The following CAMSAP2 variants were observed in gnomAD, a reference collection of about 807,000 sequenced individuals.
CAMSAP2 encodes calmodulin regulated spectrin associated protein family member 2.
A neutral mutation model predicts 146.1 loss-of-function variants in CAMSAP2; 26 were observed. The observed-to-expected ratio is 0.18, with a 90% CI of 0.13 to 0.25. The LOEUF (loss-of-function observed/expected upper bound fraction) is 0.25, where lower values mean the gene tolerates loss of function less well. CAMSAP2 is among the 10% of genes least tolerant of loss of function. The pLI is 1.00. For missense variants in CAMSAP2, 1,381 were observed against 1,759.3 expected, an observed-to-expected ratio of 0.78 and a Z score of 3.85; for synonymous variants, 499 against 596.6, an observed-to-expected ratio of 0.84 and a Z score of 2.38.
At chr1:200,839,422 T>C (rs375141367) in intron 6 of CAMSAP2, among the ~76,000 whole-genome samples, 1 of 152,280 alleles carries the variant, frequency 6.6e-6, no homozygotes, top group East Asian at 1.9e-4. Context: ...AGTAAAGGTT[T>C]TGTTTCATTT....
At chr1:200,740,056 C>A (rs891553553) in intron 1 of CAMSAP2, 90 bp downstream of exon 1, 1 of 1,425,078 alleles carries the variant, frequency 7.0e-7, no homozygotes, top group South Asian at 1.2e-5. Context: ...CCTCCCTCCC[C>A]GTGCCTGTCT....
chr1:200,763,522 G>A (rs763599558), intron 2 of CAMSAP2, among the ~76,000 whole-genome samples: 11 of 152,098 alleles, frequency 7.2e-5, no homozygotes, highest in South Asian at 2.1e-4. Context: ...CAGACTGGGC[G>A]ACAGAGTGAG....
chr1:200,800,742 C>A (rs1272842911), intron 2 of CAMSAP2, among the ~76,000 whole-genome samples: 1 of 152,104 alleles, frequency 6.6e-6, no homozygotes, highest in Non-Finnish European at 1.5e-5. Flanking sequence ...TTAGTTGATG[C>A]AGTTTCTTCA....
At chr1:200,785,457 T>G (rs1055646232) in intron 2 of CAMSAP2, among the ~76,000 whole-genome samples, 8 of 151,352 alleles carry the variant, frequency 5.3e-5, no homozygotes, top group African/African-American at 9.7e-5. Context: ...GGCCTGATCT[T>G]GGCTCACTGC....
chr1:200,815,682 CTG>C (rs756142462), intron 4 of CAMSAP2, 38 bp downstream of exon 4: 3 of 1,046,994 alleles, frequency 2.9e-6, no homozygotes, highest in African/African-American at 1.6e-5. Flanking sequence ...CTTTATGAGA[CTG>C]TATATATGTT....
intron 2 of CAMSAP2, among the ~76,000 whole-genome samples, chr1:200,795,997 G>A (rs543887294): frequency 2.4e-4 from 37 of 152,106 alleles, no homozygotes; most frequent in African/African-American, 8.7e-4. Flanking sequence ...AGTTTTGTGC[G>A]ATCAGTTGTT....
At chr1:200,740,218 T>TCCCCCC (rs1664122345) in intron 1 of CAMSAP2, among the ~76,000 whole-genome samples, 1 of 151,482 alleles carries the variant, frequency 6.6e-6, no homozygotes, top group African/African-American at 2.4e-5. Flanking sequence ...GTCCCCCCCA[T>TCCCCCC]CCCCCAGTGA....
chr1:200,751,425 A>G (rs749583667), intron 1 of CAMSAP2, among the ~76,000 whole-genome samples: 9 of 149,670 alleles, frequency 6.0e-5, no homozygotes, highest in Non-Finnish European at 1.0e-4. Context: ...GATCCTGGCT[A>G]CTTGGGAGGC....
At chr1:200,780,422 AC>A (rs1317456245) in intron 2 of CAMSAP2, among the ~76,000 whole-genome samples, 2 of 152,142 alleles carry the variant, frequency 1.3e-5, no homozygotes, top group Admixed American at 6.6e-5. Context: ...GAATTATGAC[AC>A]CCTGTCATTT....
At position 200,802,694 on chromosome 1, in the gene CAMSAP2, A is replaced by G. The variant is rs553860484; in HGVS notation, c.400-4682A>G. Among the ~76,000 whole-genome samples, 8 of 152,250 alleles carry G rather than the reference A, an allele frequency of 5.3e-5. No individual in the cohort carries two copies. In the East Asian group the frequency reaches 1.3e-3, roughly 26 times the overall value. ...ATTTTAGGATTTTTTTTTAAGTTCT[A>G]TGTCTAAATCTGATACAAGAATAGT... On this transcript the variant is annotated intron_variant, in intron 2 of 16. Coordinates refer to ENST00000358823, the MANE Select transcript of CAMSAP2 (RefSeq NM_203459.4).
rs777833924 is a variant in CAMSAP2 at position 200,848,779 on chromosome 1, C to G, written c.2010C>G (p.Thr670=). The G allele has an allele frequency of 4.3e-6, 7 of 1,613,960 alleles. No individual in the cohort carries two copies. The Admixed American group carries it at 6.7e-5, about 15-fold the overall frequency. The change falls in exon 11 of 17, where the codon ACC becomes ACG. Residue 670 remains threonine (T), a synonymous_variant. Coordinates refer to ENST00000358823, the MANE Select transcript of CAMSAP2 (RefSeq NM_203459.4). ...ALSPCPSTVS[T]KSQPGSSASS... is the part of the protein sequence containing the mutation. ...GTCCTTGTCCAAGTACTGTAAGTACCAAGTCTCAGCCAGGCAGCAGTGCTT... is the reference window on the plus strand; with the variant it reads ...GTCCTTGTCCAAGTACTGTAAGTACGAAGTCTCAGCCAGGCAGCAGTGCTT...
Position 200,858,727 on chromosome 1 carries a change from T to A in CAMSAP2, c.*668T>A, listed in dbSNP as rs1667810041. 2 of 152,776 alleles carry A rather than the reference T, an allele frequency of 1.3e-5. No homozygotes were observed. Among genetic ancestry groups the A allele is most frequent in the South Asian group, 4.1e-4 (2 of 4,830 alleles). The allele number at this position is 152,776 out of a possible 1,614,324, so 9.5% of individuals were successfully genotyped here. A position where few individuals can be genotyped will look rare whatever the true frequency, so the allele number is the denominator to read the frequency against. ...CTCTATTAAATAAGAGGAGGTGTTGTAAAGAGCTGCTAGTAGGTTCGCTTT... is the reference window on the plus strand; with the variant it reads ...CTCTATTAAATAAGAGGAGGTGTTGAAAAGAGCTGCTAGTAGGTTCGCTTT... On this transcript the variant is annotated 3_prime_UTR_variant, in exon 17 of 17. Coordinates refer to ENST00000358823, the MANE Select transcript of CAMSAP2 (RefSeq NM_203459.4).
At chr1:200,778,770 A>AT (rs34220141) in intron 2 of CAMSAP2, among the ~76,000 whole-genome samples, 2 of 151,612 alleles carry the variant, frequency 1.3e-5, no homozygotes, top group Non-Finnish European at 2.9e-5. Context: ...GTTGTTCCTC[A>AT]TTTTTTTTCA....
intron 6 of CAMSAP2, among the ~76,000 whole-genome samples, chr1:200,837,151 A>G (rs1406368120): frequency 6.6e-6 from 1 of 152,180 alleles, no homozygotes; most frequent in Admixed American, 6.5e-5. Context: ...CACCTTTGTC[A>G]TGAAATCTTT....
intron 2 of CAMSAP2, among the ~76,000 whole-genome samples, chr1:200,801,094 T>C (rs1666024130): frequency 6.6e-6 from 1 of 152,050 alleles, no homozygotes; most frequent in Non-Finnish European, 1.5e-5. Context: ...TGAAACCCCT[T>C]CTCTACTAAA....
At chr1:200,804,558 ATC>A (rs962475100) in intron 2 of CAMSAP2, among the ~76,000 whole-genome samples, 1 of 152,186 alleles carries the variant, frequency 6.6e-6, no homozygotes, top group African/African-American at 2.4e-5. Flanking sequence ...CCACATTTTA[ATC>A]CAAAAATGCC....
chr1:200,824,426 A>G (rs1158880554), intron 4 of CAMSAP2, among the ~76,000 whole-genome samples: 1 of 152,132 alleles, frequency 6.6e-6, no homozygotes, highest in Non-Finnish European at 1.5e-5. Flanking sequence ...CAGGAATATC[A>G]TTACTTCTAG....
intron 11 of CAMSAP2, 85 bp downstream of exon 11, chr1:200,850,319 T>C: frequency 8.2e-7 from 1 of 1,225,198 alleles, no homozygotes; most frequent in Non-Finnish European, 1.1e-6. Context: ...GTTGACATGC[T>C]TGCTTCTTTC....
intron 2 of CAMSAP2, among the ~76,000 whole-genome samples, chr1:200,792,868 T>C (rs558359058): frequency 1.2e-4 from 18 of 152,298 alleles, no homozygotes; most frequent in African/African-American, 4.1e-4. Flanking sequence ...ATCCTGGTTG[T>C]GATATTGTAC....
Sources: allele counts gnomAD v4.1 joint callset (sites outside exome capture counted in the v4.1 genomes callset), GRCh38; gene constraint gnomAD v4.1.1; transcripts MANE v1.5; gene names NCBI Gene and HGNC (gene_info 2026-07-23, HGNC 2026-07-21).